Variants in SENP2 observed in about 807,000 individuals in gnomAD.
SENP2 encodes the protein SUMO specific peptidase 2.
A neutral mutation model predicts 86.3 loss-of-function variants in SENP2; 16 were observed. The observed-to-expected ratio is 0.19, with a 90% confidence interval of 0.13 to 0.28. The LOEUF (loss-of-function observed/expected upper bound fraction) is 0.28, where lower values mean the gene tolerates loss of function less well. Among genes scored for constraint, SENP2 ranks in the 10% least tolerant of loss-of-function variants. The pLI, the probability that SENP2 is intolerant of heterozygous loss-of-function variation, is 1.00. For synonymous variants in SENP2, 222 were observed against 238.7 expected, an observed-to-expected ratio of 0.93 and a Z score of 0.64; for missense variants, 552 against 703.0, an observed-to-expected ratio of 0.79 and a Z score of 2.43.
At position 185,606,407 on chromosome 3, in the gene SENP2, T is replaced by C; in HGVS notation, c.527T>C (p.Leu176Ser). Residue 176 changes from leucine (L) to serine (S), a missense_variant, in exon 6 of 17, where the codon TTA (leucine) becomes TCA (serine). Physicochemically the swap from Leu to Ser is moderately radical, Grantham distance 145. Around this residue, in one of 2 missense-constraint regions of SENP2, gnomAD observed 383 missense variants for 427.3 expected, o/e 0.90. Coordinates refer to ENST00000296257, the MANE Select transcript of SENP2 (RefSeq NM_021627.3). ...AGCAAAGGTAATCCAGAGAGTTCTT[T>C]AATGTGGAAACCTCAGGAACAGGCT... ...RHSKGNPESS[L>S]MWKPQEQAVT... 1 of 1,614,032 alleles carries C rather than the reference T, an allele frequency of 6.2e-7. No individual in the cohort carries two copies. Among genetic ancestry groups the C allele is most frequent in the Non-Finnish European group, 8.5e-7 (1 of 1,179,954 alleles).
chr3:185,613,691 A>G (rs140973730), intron 10 of SENP2: 19 of 227,272 alleles, frequency 8.4e-5, no homozygotes, highest in Non-Finnish European at 1.2e-4. Context: ...TTAGCCAGGC[A>G]TGGTGGCATG....
chr3:185,592,458 T>C (rs1358917264), intron 2 of SENP2, among the ~76,000 whole-genome samples: 3 of 152,150 alleles, frequency 2.0e-5, no homozygotes, highest in African/African-American at 7.2e-5. Flanking sequence ...TTCTCAAAAA[T>C]GATTATAAAT....
intron 1 of SENP2, among the ~76,000 whole-genome samples, chr3:185,587,570 A>ATTTT (rs398052522): frequency 0.02 from 2,385 of 118,804 alleles, 208 homozygotes; most frequent in African/African-American, 0.071. Context: ...TCAAGTGTTA[A>ATTTT]TTTTTTTTTT....
chr3:185,624,174 C>A (rs940454515), intron 15 of SENP2, 92 bp downstream of exon 15: 4 of 761,092 alleles, frequency 5.3e-6, no homozygotes, highest in Non-Finnish European at 8.7e-6. Context: ...CTTCCTCCCT[C>A]CCTGCATGCT....
chr3:185,614,077 G>A (rs558900619), intron 10 of SENP2, among the ~76,000 whole-genome samples: 69 of 152,152 alleles, frequency 4.5e-4, no homozygotes, highest in African/African-American at 1.5e-3. Flanking sequence ...CTACAATTGT[G>A]GTTATATAGG....
Position 185,593,728 on chromosome 3 carries a change from C to CTT in SENP2, c.157+3575_157+3576dup, listed in dbSNP as rs76181270. On this transcript the variant is annotated intron_variant, in intron 2 of 16. Coordinates refer to ENST00000296257, the MANE Select transcript of SENP2 (RefSeq NM_021627.3). ...ACTTAGTATTATTGTGTTTTCATTTCTTTTTTTTTTTTTTTTTGAGACGGA... is the reference window on the plus strand; with the variant it reads ...ACTTAGTATTATTGTGTTTTCATTTCTTTTTTTTTTTTTTTTTTTGAGACGGA... 3.6e-3 allele frequency among the ~76,000 whole-genome samples: 499 copies of CTT among 138,104 alleles called. 5 individuals are homozygous for CTT. The highest frequency in any genetic ancestry group is 0.011 in the South Asian group (49 of 4,332). 90.6% of individuals were successfully genotyped at this position (138,104 alleles called of 152,430 possible).
Position 185,611,107 on chromosome 3 carries a change from G to T in SENP2, c.723-544G>T, listed in dbSNP as rs200205604. On this transcript the variant is annotated intron_variant, in intron 7 of 16. Transcript: ENST00000296257. ...CCTGACCAACATGGCGAAACCCCAT[G>T]TCTACTAAAAATACAAAAATTAACC... 1.8e-4 allele frequency among the ~76,000 whole-genome samples: 27 copies of T among 152,128 alleles called. No homozygotes were observed. The East Asian group carries it at 5.2e-3, about 29-fold the overall frequency.
At chr3:185,591,194 C>T (rs1041079848) in intron 2 of SENP2, among the ~76,000 whole-genome samples, 8 of 151,258 alleles carry the variant, frequency 5.3e-5, no homozygotes, top group Non-Finnish European at 1.0e-4. Context: ...CGTGAGCCAC[C>T]GCACCCAACC....
chr3:185,620,075 T>A (rs1711788602), intron 13 of SENP2, among the ~76,000 whole-genome samples: 1 of 151,350 alleles, frequency 6.6e-6, no homozygotes, highest in Non-Finnish European at 1.5e-5. Flanking sequence ...TAAATTTTTA[T>A]TTTTAGAGAC....
At chr3:185,598,267 A>G in intron 2 of SENP2, 145 bp from the exon 3 acceptor site, 1 of 831,002 alleles carries the variant, frequency 1.2e-6, no homozygotes, top group Non-Finnish European at 1.9e-6. Context: ...CAGCCTCCCA[A>G]AGTGTTGGGA....
chr3:185,608,445 CACTT>C (rs1722586868), intron 6 of SENP2, among the ~76,000 whole-genome samples: 1 of 152,166 alleles, frequency 6.6e-6, no homozygotes, highest in South Asian at 2.1e-4. Context: ...CACTATGTGT[CACTT>C]ACAAAGATAA....
intron 16 of SENP2, 106 bp from the exon 17 acceptor site, chr3:185,629,676 G>C: frequency 1.8e-6 from 2 of 1,100,072 alleles, no homozygotes; most frequent in South Asian, 2.6e-5. Flanking sequence ...TCAACACTTA[G>C]AAAAAGCACA....
intron 16 of SENP2, among the ~76,000 whole-genome samples, chr3:185,627,119 G>T (rs1423360846): frequency 6.7e-6 from 1 of 149,658 alleles, no homozygotes; most frequent in African/African-American, 2.5e-5. Context: ...AGTAGTAGCT[G>T]TGCTATTCTT....
intron 3 of SENP2, 21 bp from the exon 4 acceptor site, chr3:185,598,937 G>A (rs762382554): frequency 1.9e-6 from 3 of 1,581,432 alleles, no homozygotes; most frequent in Non-Finnish European, 2.6e-6. Flanking sequence ...TGCTACAGAA[G>A]TGATTCTGTT....
In SENP2 at chr3:185,606,481, C is replaced by T. The variant is rs1316756175; in HGVS notation, c.601C>T (p.His201Tyr). 5 of 1,602,802 alleles carry T rather than the reference C, an allele frequency of 3.1e-6. No homozygotes were observed. The highest frequency in any genetic ancestry group is 1.1e-5 in the South Asian group (1 of 88,300). ...GAGTGGCAAGGGTCTGAGGCGTCCC[C>T]ATTGTACTGTGGAGGAGGTAAGCCT... ...EESGKGLRRPHCTVEEGVQKE... is the reference protein window; with the variant it reads ...EESGKGLRRPYCTVEEGVQKE... Residue 201 changes from histidine to tyrosine, a missense_variant, in exon 6 of 17, where the codon CAT becomes TAT. His to Tyr is a moderately conservative substitution (Grantham distance 83). Transcript: ENST00000296257.
At chr3:185,619,035 C>A (rs1711742186) in intron 12 of SENP2, among the ~76,000 whole-genome samples, 1 of 152,174 alleles carries the variant, frequency 6.6e-6, no homozygotes, top group Non-Finnish European at 1.5e-5. Context: ...TTATGTAGAT[C>A]TTTCCATTAT....
Position 185,606,366 on chromosome 3 carries a change from A to G in SENP2, c.486A>G (p.Pro162=), listed in dbSNP as rs200253544. Residue 162 remains proline, a synonymous_variant, in exon 6 of 17, where the codon CCA becomes CCG. Coordinates refer to ENST00000296257, the MANE Select transcript of SENP2 (RefSeq NM_021627.3). Reference sequence around the variant, plus strand: ...ACTCAGAAGGCTGTAATAGAAGACCAGGTGGCCGTCGCCATAGCAAAGGTA... The same window carrying G: ...ACTCAGAAGGCTGTAATAGAAGACCGGGTGGCCGTCGCCATAGCAAAGGTA... ...TLNSEGCNRR[P]GGRRHSKGNP... 27 of 1,612,146 alleles carry G rather than the reference A, an allele frequency of 1.7e-5. No homozygotes were observed. In the East Asian group the frequency reaches 6.0e-4, roughly 36 times the overall value.
chr3:185,598,989 C>T lies in SENP2; in HGVS notation c.323C>T (p.Thr108Ile), dbSNP rs754717803. The T allele has an allele frequency of 1.2e-6, 2 of 1,613,082 alleles. No homozygotes were observed. Among genetic ancestry groups the T allele is most frequent in the Admixed American group, 3.3e-5 (2 of 59,732 alleles). Residue 108 changes from threonine (T) to isoleucine (I), a missense_variant, in exon 4 of 17, where the codon ACA (threonine) becomes ATA (isoleucine). Thr to Ile is a moderately conservative substitution (Grantham distance 89). Coordinates refer to ENST00000296257, the MANE Select transcript of SENP2 (RefSeq NM_021627.3). Reference protein sequence around the residue: ...VFSNSSSCELTGSGSWNNMLK... With the variant: ...VFSNSSSCELIGSGSWNNMLK... Reference sequence around the variant, plus strand: ...TCGAACTCTTCATCTTGTGAACTGACAGGTTCTGGATCCTGGAACAACATG... The same window carrying T: ...TCGAACTCTTCATCTTGTGAACTGATAGGTTCTGGATCCTGGAACAACATG...
chr3:185,616,716 A>G (rs1394651404), intron 11 of SENP2, among the ~76,000 whole-genome samples: 1 of 150,112 alleles, frequency 6.7e-6, no homozygotes, highest in Non-Finnish European at 1.5e-5. Flanking sequence ...CGGAGCTTGC[A>G]GTAAGCCGAG....
Sources: allele counts gnomAD v4.1 joint callset (sites outside exome capture counted in the v4.1 genomes callset), GRCh38; gene constraint gnomAD v4.1.1; regional missense constraint gnomAD v4.1.1; transcripts MANE v1.5; gene names NCBI Gene and HGNC (gene_info 2026-07-23, HGNC 2026-07-21).